NT5DC3: variants seen among roughly 807,000 people sequenced by gnomAD.
The protein encoded by NT5DC3 is 5'-nucleotidase domain-containing protein 3.
In NT5DC3, 42 loss-of-function variants were observed where a neutral mutation model predicts 67.8. The observed-to-expected ratio is 0.62, with a 90% CI of 0.48 to 0.80. The LOEUF (loss-of-function observed/expected upper bound fraction) is 0.80, where lower values mean the gene tolerates loss of function less well. NT5DC3 is among the 30% of genes least tolerant of loss of function. The probability of loss-of-function intolerance (pLI) is 0.00; values close to 1 mark genes in which losing one functional copy is unlikely to be tolerated. For missense variants in NT5DC3, 570 were observed against 696.4 expected (o/e 0.82, Z 2.04); for synonymous variants, 237 against 255.6 (o/e 0.93, Z 0.69).
chr12:103,841,203 C>T lies in NT5DC3; in HGVS notation c.-47G>A. The T allele has an allele frequency of 1.8e-6, 1 of 571,378 alleles. No homozygotes were observed. The highest frequency in any genetic ancestry group is 3.0e-6 in the Non-Finnish European group (1 of 331,254). The allele number at this position is 571,378 out of a possible 1,614,324, so 35.4% of individuals were successfully genotyped here. On this transcript the variant is annotated 5_prime_UTR_variant, in exon 1 of 14. Coordinates refer to ENST00000392876, the MANE Select transcript of NT5DC3 (RefSeq NM_001031701.3). Reference sequence around the variant, plus strand: ...CCGCCGCCGCGCCGCTCTGCGACTGCTGCTGCCCGGCCCAAGATCTACCCG... The same window carrying T: ...CCGCCGCCGCGCCGCTCTGCGACTGTTGCTGCCCGGCCCAAGATCTACCCG...
intron 1 of NT5DC3, among the ~76,000 whole-genome samples, chr12:103,834,338 A>C (rs914198999): frequency 3.9e-5 from 6 of 152,256 alleles, no homozygotes; most frequent in Non-Finnish European, 8.8e-5. Context: ...AAGTTAAAAA[A>C]GGAAAAAGGA....
the NT5DC3 span, among the ~76,000 whole-genome samples, chr12:103,756,993 G>GAAAAA: frequency 6.5e-4 from 10 of 15,268 alleles, no homozygotes; most frequent in Admixed American, 3.9e-3. Flanking sequence ...CAGAAGGAGG[G>GAAAAA]AAAATATATA....
chr12:103,777,807 A>G lies in NT5DC3; in HGVS notation c.*22T>C. 1 of 1,596,896 alleles carries G rather than the reference A, an allele frequency of 6.3e-7. No individual in the cohort carries two copies. The highest frequency in any genetic ancestry group is 8.5e-7 in the Non-Finnish European group (1 of 1,172,270). On this transcript the variant is annotated 3_prime_UTR_variant, in exon 14 of 14. Coordinates refer to ENST00000392876, the MANE Select transcript of NT5DC3 (RefSeq NM_001031701.3). ...TGCCTGCCCAATCAGGGGCAGTTAC[A>G]GTTTCTAGTTTTTGCCCTTGGCTAC...
chr12:103,813,959 G>A (rs916217237), intron 2 of NT5DC3, among the ~76,000 whole-genome samples: 1 of 152,146 alleles, frequency 6.6e-6, no homozygotes, highest in Non-Finnish European at 1.5e-5. Flanking sequence ...TTCAAGATTT[G>A]GCTGAAATAT....
intron 2 of NT5DC3, among the ~76,000 whole-genome samples, chr12:103,809,409 G>A (rs1886937411): frequency 1.3e-5 from 2 of 152,186 alleles, no homozygotes; most frequent in Non-Finnish European, 2.9e-5. Flanking sequence ...CCACTCCTGA[G>A]AAATACACAA....
chr12:103,803,418 C>G (rs1465548629), intron 4 of NT5DC3, among the ~76,000 whole-genome samples: 2 of 152,032 alleles, frequency 1.3e-5, no homozygotes, highest in Admixed American at 1.3e-4. Context: ...GACATGTGCA[C>G]AAAAATGTAT....
the NT5DC3 span, among the ~76,000 whole-genome samples, chr12:103,764,337 T>C: frequency 2.6e-5 from 4 of 152,360 alleles, no homozygotes; most frequent in South Asian, 8.3e-4. Context: ...TTCTTGCTTT[T>C]GGAGCTACTT....
chr12:103,795,847 T>C (rs1886289118), intron 6 of NT5DC3, among the ~76,000 whole-genome samples: 1 of 152,312 alleles, frequency 6.6e-6, no homozygotes, highest in Non-Finnish European at 1.5e-5. Flanking sequence ...AGTAAGTCCT[T>C]AACATCTTCA....
In NT5DC3 at chr12:103,793,480, C is replaced by T. The variant is rs1170486161; in HGVS notation, c.847G>A (p.Ala283Thr). 9.3e-6 allele frequency: 15 copies of T among 1,614,016 alleles called. No homozygotes were observed. Among genetic ancestry groups the T allele is most frequent in the Non-Finnish European group, 1.1e-5 (13 of 1,179,928 alleles). ...TGATCAGCCAGTTTGGCCAACACTG[C>T]GCGGGTCTGCTCAGCATAGCAGATG... ...KYICYAEQTR[A>T]VLAKLADHGK... Residue 283 changes from alanine (A) to threonine (T), a missense_variant, in exon 8 of 14, where the codon GCA (alanine) becomes ACA (threonine). This residue lies in a region of NT5DC3 where 466 missense variants were observed against 608.0 expected (regional missense o/e 0.77). Coordinates refer to ENST00000392876, the MANE Select transcript of NT5DC3 (RefSeq NM_001031701.3).
chr12:103,748,121 T>C, the NT5DC3 span, among the ~76,000 whole-genome samples: 1 of 152,286 alleles, frequency 6.6e-6, no homozygotes, highest in African/African-American at 2.4e-5. Context: ...CAGAGATATA[T>C]ACTTTCTTTA....
intron 10 of NT5DC3, 114 bp from the exon 11 acceptor site, chr12:103,787,641 CA>C (rs1885852018): frequency 1.9e-6 from 1 of 532,574 alleles, no homozygotes. Flanking sequence ...TTTTAAATAT[CA>C]AAATATAAAG....
At chr12:103,789,026 A>T (rs1885920778) in intron 9 of NT5DC3, 107 bp from the exon 10 acceptor site, 1 of 764,746 alleles carries the variant, frequency 1.3e-6, no homozygotes. Context: ...GCAAAAACCT[A>T]AAAAAAACCC....
intron 1 of NT5DC3, among the ~76,000 whole-genome samples, chr12:103,816,177 C>T (rs1361161066): frequency 1.3e-5 from 2 of 152,210 alleles, no homozygotes; most frequent in East Asian, 1.9e-4. Context: ...TTATCCAAAA[C>T]GTTTGGGAAC....
In NT5DC3 at chr12:103,793,271, G is replaced by A. The variant is rs746238285; in HGVS notation, c.918-6C>T. 2 of 1,603,300 alleles carry A rather than the reference G, an allele frequency of 1.2e-6. No homozygotes were observed. The highest frequency in any genetic ancestry group is 1.7e-6 in the Non-Finnish European group (2 of 1,172,100). On this transcript the variant is annotated splice_polypyrimidine_tract_variant and splice_region_variant and intron_variant, in intron 8 of 13. Transcript: ENST00000392876. The stretch of plus-strand genomic sequence containing the variant: ...TATAACTCATCCCTTTGTCCCTAGG[G>A]CAACAAGTCAGCCAGGTTAGTCTAA...
At chr12:103,827,976 T>C (rs927739807) in intron 1 of NT5DC3, among the ~76,000 whole-genome samples, 22 of 152,328 alleles carry the variant, frequency 1.4e-4, no homozygotes, top group Admixed American at 3.9e-4. Flanking sequence ...AGAAGTACAG[T>C]GTTTGTTCAC....
chr12:103,810,304 A>G (rs1886977662), intron 2 of NT5DC3, among the ~76,000 whole-genome samples: 1 of 152,146 alleles, frequency 6.6e-6, no homozygotes, highest in Non-Finnish European at 1.5e-5. Context: ...TGATTGGCCC[A>G]TTTCCAACAC....
At chr12:103,767,176 C>G (rs1289076265), downstream of NT5DC3, among the ~76,000 whole-genome samples, 2 of 152,126 alleles carry the variant, frequency 1.3e-5, no homozygotes, top group Non-Finnish European at 2.9e-5. Flanking sequence ...AAAATGGAAA[C>G]AACTCGAATG....
chr12:103,834,266 G>C (rs749216029), intron 1 of NT5DC3, among the ~76,000 whole-genome samples: 5 of 151,838 alleles, frequency 3.3e-5, no homozygotes, highest in Admixed American at 6.6e-5. Flanking sequence ...AAAATATAAA[G>C]AAGCTTTTCT....
Position 103,777,028 on chromosome 12 carries a change from C to T in NT5DC3, c.*801G>A, listed in dbSNP as rs1885364057. ...AGGTGGTGTTTCCAGGTTTAACAAG[C>T]TCCTGGGAGACCTACCACAAATGTT... On this transcript the variant is annotated 3_prime_UTR_variant, in exon 14 of 14. Transcript: ENST00000392876. The T allele has an allele frequency of 6.6e-6, 1 of 152,202 alleles. No individual in the cohort carries two copies. The highest frequency in any genetic ancestry group is 2.1e-4 in the South Asian group (1 of 4,822). The allele number at this position is 152,202 out of a possible 1,614,324, so 9.4% of individuals were successfully genotyped here.
Sources: gnomAD v4.1 joint callset for allele counts (sites outside exome capture counted in the v4.1 genomes callset) on GRCh38, gnomAD v4.1.1 for gene constraint, gnomAD v4.1.1 regional missense constraint, MANE v1.5 for transcripts, NCBI Gene and HGNC (gene_info 2026-07-23, HGNC 2026-07-21) for gene names.